Variants in CEP128 observed in about 807,000 individuals in gnomAD.
CEP128 encodes centrosomal protein 128kDa.
In CEP128, 132 loss-of-function variants were observed where a neutral mutation model predicts 156.7. The ratio of observed to expected loss-of-function variants is 0.84; its 90% confidence interval spans 0.73 to 0.97. The LOEUF (loss-of-function observed/expected upper bound fraction) is 0.97, where lower values mean the gene tolerates loss of function less well. CEP128 is among the 50% of genes least tolerant of loss of function. The probability of loss-of-function intolerance (pLI) is 0.00; values close to 1 mark genes in which losing one functional copy is unlikely to be tolerated. For missense variants in CEP128, 1,252 were observed against 1,281.9 expected (o/e 0.98, Z 0.36); for synonymous variants, 469 against 448.9 (o/e 1.04, Z -0.57).
intron 13 of CEP128, among the ~76,000 whole-genome samples, chr14:80,817,049 C>T (rs991266319): frequency 6.6e-6 from 1 of 150,854 alleles, no homozygotes; most frequent in Non-Finnish European, 1.5e-5. Context: ...ATTAGACCAA[C>T]CAAAGCTTAA....
At chr14:80,641,667 G>A (rs1268223166) in intron 19 of CEP128, among the ~76,000 whole-genome samples, 1 of 152,070 alleles carries the variant, frequency 6.6e-6, no homozygotes, top group Admixed American at 6.6e-5. Flanking sequence ...TAATGTGAAC[G>A]TAATATTAAA....
intron 19 of CEP128, among the ~76,000 whole-genome samples, chr14:80,692,423 G>A (rs1896750464): frequency 6.6e-6 from 1 of 152,126 alleles, no homozygotes; most frequent in Admixed American, 6.6e-5. Context: ...ATCAAAGGAA[G>A]GATGTATACT....
intron 2 of CEP128, among the ~76,000 whole-genome samples, chr14:80,936,416 C>CAGGGAAGG (rs2139611477): frequency 6.6e-6 from 1 of 152,040 alleles, no homozygotes; most frequent in East Asian, 1.9e-4. Context: ...GGAAGGAAGA[C>CAGGGAAGG]AGGGAAGGAG....
intron 19 of CEP128, among the ~76,000 whole-genome samples, chr14:80,639,002 C>A (rs1185800904): frequency 6.6e-6 from 1 of 152,124 alleles, no homozygotes; most frequent in Non-Finnish European, 1.5e-5. Flanking sequence ...TTATGGAATG[C>A]AGCTCCCTGT....
intron 13 of CEP128, among the ~76,000 whole-genome samples, chr14:80,795,480 G>A (rs534672951): frequency 2.0e-5 from 3 of 152,168 alleles, no homozygotes; most frequent in Non-Finnish European, 2.9e-5. Flanking sequence ...TCTTTAAACT[G>A]TTCATTCACT....
intron 9 of CEP128, among the ~76,000 whole-genome samples, chr14:80,854,605 G>GA (rs1437425177): frequency 6.6e-6 from 1 of 151,814 alleles, no homozygotes; most frequent in East Asian, 1.9e-4. Context: ...AGAGATGTAG[G>GA]AAAAAAATCA....
intron 19 of CEP128, among the ~76,000 whole-genome samples, chr14:80,582,043 A>G (rs562434705): frequency 6.6e-6 from 1 of 152,202 alleles, no homozygotes; most frequent in Non-Finnish European, 1.5e-5. Flanking sequence ...TGACATCTGA[A>G]TAGGCCCAGG....
downstream of CEP128, among the ~76,000 whole-genome samples, chr14:80,493,513 A>G (rs1887394020): frequency 6.6e-6 from 1 of 152,176 alleles, no homozygotes; most frequent in Non-Finnish European, 1.5e-5. Context: ...CACATCCACA[A>G]TCATCACAGG....
At chr14:80,489,541 T>TCC (rs1184618636), downstream of CEP128, among the ~76,000 whole-genome samples, 2 of 152,060 alleles carry the variant, frequency 1.3e-5, no homozygotes, top group Non-Finnish European at 1.5e-5. Flanking sequence ...CCCAGCAGAC[T>TCC]CCCCCAGAGT....
At chr14:80,601,979 T>A (rs1324799312) in intron 19 of CEP128, among the ~76,000 whole-genome samples, 24 of 152,060 alleles carry the variant, frequency 1.6e-4, no homozygotes. Context: ...ATAAGAGAAA[T>A]AGTTTAGATT....
chr14:80,757,956 C>T (rs117278987), intron 17 of CEP128, among the ~76,000 whole-genome samples: 3,422 of 152,290 alleles, frequency 0.022, 68 homozygotes, highest in Admixed American at 0.046. Context: ...GGAAATTTTC[C>T]CTAATCACCC....
rs147360888 is a variant in CEP128 at position 80,520,305 on chromosome 14, G to C, written c.3072+6564C>G. The stretch of plus-strand genomic sequence containing the variant: ...ATAGTGGCGCATGCCTGTGATCCCA[G>C]CTACTCGGGAGGCTGAGGCAGGAGA... On this transcript the variant is annotated intron_variant, in intron 23 of 24. Transcript: ENST00000555265. Among the ~76,000 whole-genome samples the C allele has an allele frequency of 5.0e-3, 763 of 152,208 alleles. 10 individuals are homozygous for C. The highest frequency in any genetic ancestry group is 0.018 in the African/African-American group (733 of 41,516).
chr14:80,746,333 A>G (rs1195532114), intron 18 of CEP128, among the ~76,000 whole-genome samples: 2 of 152,232 alleles, frequency 1.3e-5, no homozygotes, highest in African/African-American at 4.8e-5. Flanking sequence ...TATCCATTCC[A>G]AAGCTTACTA....
chr14:80,782,595 T>A (rs971761444), intron 15 of CEP128, among the ~76,000 whole-genome samples: 9 of 152,166 alleles, frequency 5.9e-5, no homozygotes, highest in African/African-American at 1.7e-4. Context: ...AAGATTCACA[T>A]CAATTTCCCC....
rs537216782 is a variant in CEP128, at chr14:80,674,121, T to C, written c.2806+68954A>G. ...TGCACATATTTTTGGTACAGAAAACTGGTAATCAGCAAAGTTTTAATCTGA... is the reference window on the plus strand; with the variant it reads ...TGCACATATTTTTGGTACAGAAAACCGGTAATCAGCAAAGTTTTAATCTGA... On this transcript the variant is annotated intron_variant, in intron 19 of 24. Transcript: ENST00000555265. Among the ~76,000 whole-genome samples, 24 of 152,094 alleles carry C rather than the reference T, an allele frequency of 1.6e-4. No homozygotes were observed. In the East Asian group the frequency reaches 4.2e-3, roughly 27 times the overall value.
chr14:80,543,319 T>C (rs890873571), intron 21 of CEP128, among the ~76,000 whole-genome samples: 3 of 152,194 alleles, frequency 2.0e-5, no homozygotes, highest in African/African-American at 7.2e-5. Context: ...CTTAAAACCT[T>C]CAAAAATCCA....
intron 19 of CEP128, among the ~76,000 whole-genome samples, chr14:80,635,684 C>T (rs1289100065): frequency 1.3e-5 from 2 of 152,120 alleles, no homozygotes; most frequent in South Asian, 2.1e-4. Flanking sequence ...GATTTATCAG[C>T]GAACAAAGGA....
intron 16 of CEP128, among the ~76,000 whole-genome samples, chr14:80,774,664 C>T (rs1900698959): frequency 1.3e-5 from 2 of 151,522 alleles, no homozygotes; most frequent in African/African-American, 2.4e-5. Flanking sequence ...TACACACATA[C>T]CTCTTTGTCC....
At chr14:80,879,942 C>T (rs947349650) in intron 8 of CEP128, among the ~76,000 whole-genome samples, 8 of 152,074 alleles carry the variant, frequency 5.3e-5, no homozygotes, top group African/African-American at 9.7e-5. Context: ...TTACACTCTT[C>T]CAAAAAATGG....
Sources: allele counts gnomAD v4.1 joint callset (sites outside exome capture counted in the v4.1 genomes callset), GRCh38; gene constraint gnomAD v4.1.1; transcripts MANE v1.5; gene names NCBI Gene and HGNC (gene_info 2026-07-23, HGNC 2026-07-21).